MGAT4C: variants seen among roughly 807,000 people sequenced by gnomAD.
MGAT4C encodes the protein MGAT4 family member C.
MGAT4C carries 19 observed loss-of-function variants against 40.1 expected under a neutral mutation model. The ratio of observed to expected loss-of-function variants is 0.47; its 90% CI spans 0.33 to 0.70. The LOEUF (loss-of-function observed/expected upper bound fraction) is 0.70, where lower values mean the gene tolerates loss of function less well. Ranked by LOEUF, MGAT4C falls within the 30% of genes least tolerant of loss-of-function variation. MGAT4C has a pLI of 0.02. For synonymous variants in MGAT4C, 181 were observed against 187.1 expected, an observed-to-expected ratio of 0.97 and a Z score of 0.27; for missense variants, 491 against 563.2, an observed-to-expected ratio of 0.87 and a Z score of 1.30.
intron 3 of MGAT4C, among the ~76,000 whole-genome samples, chr12:86,385,222 CAAATT>C (rs1370466443): frequency 3.3e-5 from 5 of 152,086 alleles, no homozygotes; most frequent in Admixed American, 6.6e-5. Flanking sequence ...CTCTCACAAA[CAAATT>C]AAAACAAGAA....
chr12:85,987,116 ATTTTTTTTTTTTTTTTTTTTTTTT>A (rs869139864), intron 3 of MGAT4C, among the ~76,000 whole-genome samples: 5 of 73,830 alleles, frequency 6.8e-5, no homozygotes, highest in Admixed American at 2.1e-4. Flanking sequence ...TAAAATAATA[ATTTTTTTTTTTTTTTTTTTTTTTT>A]TTTTTTTTTT....
At chr12:86,572,029 T>G in intron 2 of MGAT4C, among the ~76,000 whole-genome samples, 1 of 152,148 alleles carries the variant, frequency 6.6e-6, no homozygotes, top group East Asian at 1.9e-4. Context: ...TAGTTTATGA[T>G]GGCATTTGAA....
chr12:86,638,611 T>C lies in MGAT4C; in HGVS notation c.-229+88598A>G, dbSNP rs73394950. 3.3e-3 allele frequency among the ~76,000 whole-genome samples: 498 copies of C among 151,966 alleles called. 2 individuals are homozygous for C. Among genetic ancestry groups the C allele is most frequent in the African/African-American group, 0.012 (485 of 41,532 alleles). ...ACAATTCTCTGAGTTAAGTAAAATT[T>C]GGGTCTCCATGTTTCAGATAAAAGA... On this transcript the variant is annotated intron_variant, in intron 2 of 7. Transcript: ENST00000548651.
At chr12:86,625,512 G>A (rs1269734026) in intron 2 of MGAT4C, among the ~76,000 whole-genome samples, 1 of 152,110 alleles carries the variant, frequency 6.6e-6, no homozygotes, top group East Asian at 1.9e-4. Context: ...ATAGCTATGA[G>A]CTGGTAGAAG....
At chr12:86,323,129 A>G (rs1189110334) in intron 4 of MGAT4C, among the ~76,000 whole-genome samples, 1 of 151,044 alleles carries the variant, frequency 6.6e-6, no homozygotes, top group Non-Finnish European at 1.5e-5. Flanking sequence ...TTTTCTTGGA[A>G]GTTTTTTTTT....
At chr12:86,059,922 C>T (rs543996105) in intron 1 of MGAT4C, among the ~76,000 whole-genome samples, 16 of 152,056 alleles carry the variant, frequency 1.1e-4, no homozygotes, top group African/African-American at 2.2e-4. Flanking sequence ...GAATAAGAGA[C>T]GAAGATCTTA....
Position 85,960,632 on chromosome 12 carries a change from T to C in MGAT4C, c.*18657A>G, listed in dbSNP as rs895708810. On this transcript the variant is annotated 3_prime_UTR_variant, in exon 5 of 5. Transcript: ENST00000611864. The stretch of plus-strand genomic sequence containing the variant: ...TTCACATATAGAATGGGTTGCATTA[T>C]CCTCTCCTTGGAAATATCTTTCAAA... 3.3e-5 allele frequency: 5 copies of C among 151,970 alleles called. No individual in the cohort carries two copies. The highest frequency in any genetic ancestry group is 1.2e-4 in the African/African-American group (5 of 41,422). 9.4% of individuals were successfully genotyped at this position (151,970 alleles called of 1,614,324 possible).
chr12:86,210,378 T>C (rs1470958735), intron 1 of MGAT4C, among the ~76,000 whole-genome samples: 1 of 152,210 alleles, frequency 6.6e-6, no homozygotes, highest in African/African-American at 2.4e-5. Context: ...CATAACACAT[T>C]ATTTCACTAT....
rs117218918 is a variant in MGAT4C at position 86,579,215 on chromosome 12, G to A, written c.-228-143950C>T. On this transcript the variant is annotated intron_variant, in intron 2 of 7. Coordinates refer to the MGAT4C transcript ENST00000548651. ...TTATTGGTTTTCTGATTGTTTTGTG[G>A]TCTTCTCTTCCTCCTTTCTTTTCTT... 8.5e-3 allele frequency among the ~76,000 whole-genome samples: 1,286 copies of A among 151,374 alleles called. 7 individuals are homozygous for A. Among genetic ancestry groups the A allele is most frequent in the Non-Finnish European group, 0.014 (947 of 67,624 alleles).
At position 86,773,244 on chromosome 12, in the gene MGAT4C, T is replaced by C. The variant is rs868091289; in HGVS notation, c.-261-46003A>G. Among the ~76,000 whole-genome samples, 4 of 152,284 alleles carry C rather than the reference T, an allele frequency of 2.6e-5. No homozygotes were observed. In the South Asian group the frequency reaches 6.2e-4, roughly 24 times the overall value. On this transcript the variant is annotated intron_variant, in intron 1 of 7. Transcript: ENST00000548651. The stretch of plus-strand genomic sequence containing the variant: ...CATTAAAGTAGGACCTAGTCCACTA[T>C]GACTGGTGTCCTTATTAGAAGAGTA...
At chr12:86,348,793 G>T (rs1217039741) in intron 3 of MGAT4C, among the ~76,000 whole-genome samples, 1 of 152,056 alleles carries the variant, frequency 6.6e-6, no homozygotes, top group Admixed American at 6.6e-5. Flanking sequence ...ACAATGATGT[G>T]TATTTATATG....
intron 1 of MGAT4C, among the ~76,000 whole-genome samples, chr12:86,196,355 G>A (rs112323931): frequency 6.6e-6 from 1 of 152,162 alleles, no homozygotes; most frequent in East Asian, 1.9e-4. Flanking sequence ...TGGGGTAATA[G>A]CGTCACCTCC....
intron 1 of MGAT4C, among the ~76,000 whole-genome samples, chr12:86,757,441 TG>T (rs1438670812): frequency 6.6e-6 from 1 of 152,134 alleles, no homozygotes; most frequent in African/African-American, 2.4e-5. Context: ...AAATAGCCTA[TG>T]TTTTTTTCAC....
chr12:86,576,420 T>G lies in MGAT4C; in HGVS notation c.-228-141155A>C, dbSNP rs553127263. Among the ~76,000 whole-genome samples the G allele has an allele frequency of 3.9e-5, 6 of 151,912 alleles. No individual in the cohort carries two copies. The Admixed American group carries it at 3.9e-4, about 10-fold the overall frequency. On this transcript the variant is annotated intron_variant, in intron 2 of 7. Coordinates refer to the MGAT4C transcript ENST00000548651. ...TTTGCCCAGACCAGTGTCCTGAGAC[T>G]TCCCCCAGTGTTTTCATGCAGTTGT...
chr12:86,731,969 C>T (rs1368390811), intron 1 of MGAT4C, among the ~76,000 whole-genome samples: 1 of 152,060 alleles, frequency 6.6e-6, no homozygotes. Flanking sequence ...GACATTTATT[C>T]CTGTTTTATG....
At chr12:86,451,088 T>C (rs1315907696) in intron 2 of MGAT4C, among the ~76,000 whole-genome samples, 2 of 152,108 alleles carry the variant, frequency 1.3e-5, no homozygotes, top group East Asian at 1.9e-4. Context: ...ATCGCCAATG[T>C]TGGAGGTGGG....
At chr12:86,207,366 T>C (rs1950297821) in intron 1 of MGAT4C, among the ~76,000 whole-genome samples, 1 of 152,130 alleles carries the variant, frequency 6.6e-6, no homozygotes, top group Non-Finnish European at 1.5e-5. Flanking sequence ...GGTGGTTCAT[T>C]GCACCTATCA....
intron 3 of MGAT4C, among the ~76,000 whole-genome samples, chr12:86,342,190 A>G (rs1340903448): frequency 6.6e-6 from 1 of 151,982 alleles, no homozygotes; most frequent in Non-Finnish European, 1.5e-5. Context: ...TGCAACCTTC[A>G]CTGGTGATGC....
intron 2 of MGAT4C, among the ~76,000 whole-genome samples, chr12:86,464,805 A>G (rs1957656142): frequency 6.6e-6 from 1 of 152,130 alleles, no homozygotes; most frequent in Non-Finnish European, 1.5e-5. Context: ...AAATTACATT[A>G]TGTATTGAAT....
Sources: gnomAD v4.1 joint callset for allele counts (sites outside exome capture counted in the v4.1 genomes callset) on GRCh38, gnomAD v4.1.1 for gene constraint, MANE v1.5 for transcripts, NCBI Gene and HGNC (gene_info 2026-07-23, HGNC 2026-07-21) for gene names.